PIGU: variants seen among roughly 807,000 people sequenced by gnomAD.
PIGU encodes GPI-anchor transamidase component PIGU.
In PIGU, 24 loss-of-function variants were observed where a neutral mutation model predicts 49.9. That is an observed-to-expected ratio of 0.48 (90% confidence interval 0.35 to 0.68). The LOEUF (loss-of-function observed/expected upper bound fraction) is 0.68, where lower values mean the gene tolerates loss of function less well. Ranked by LOEUF, PIGU falls within the 30% of genes least tolerant of loss-of-function variation. The pLI, the probability that PIGU is intolerant of heterozygous loss-of-function variation, is 0.01. For synonymous variants in PIGU, 220 were observed against 205.7 expected (o/e 1.07, Z -0.59); for missense variants, 490 against 532.6 (o/e 0.92, Z 0.79).
At chr20:34,625,212 A>C (rs1050532611) in intron 6 of PIGU, among the ~76,000 whole-genome samples, 1 of 152,052 alleles carries the variant, frequency 6.6e-6, no homozygotes, top group African/African-American at 2.4e-5. Context: ...TCTCTACTAA[A>C]AATGCAAAAT....
intron 7 of PIGU, among the ~76,000 whole-genome samples, chr20:34,599,814 A>G (rs1029497639): frequency 1.3e-5 from 2 of 152,280 alleles, no homozygotes; most frequent in African/African-American, 4.8e-5. Flanking sequence ...GAATCTGACC[A>G]ACGTTATGGC....
chr20:34,645,576 G>T (rs375947326), intron 2 of PIGU, among the ~76,000 whole-genome samples: 3 of 152,246 alleles, frequency 2.0e-5, no homozygotes, highest in South Asian at 4.1e-4. Flanking sequence ...AATAAAATCT[G>T]ATGTGTTAAA....
chr20:34,628,025 G>T (rs1414123910), intron 6 of PIGU, among the ~76,000 whole-genome samples: 2 of 152,092 alleles, frequency 1.3e-5, no homozygotes, highest in Non-Finnish European at 1.5e-5. Flanking sequence ...AAGACCTAAG[G>T]CATCCTCGGG....
chr20:34,578,519 C>A (rs1983328891), intron 10 of PIGU, among the ~76,000 whole-genome samples: 1 of 152,212 alleles, frequency 6.6e-6, no homozygotes, highest in Non-Finnish European at 1.5e-5. Flanking sequence ...GGTTCTTGTT[C>A]TGTGCCTCCA....
chr20:34,660,033 C>A (rs1392445497), intron 1 of PIGU, among the ~76,000 whole-genome samples: 4 of 139,636 alleles, frequency 2.9e-5, no homozygotes, highest in African/African-American at 1.1e-4. Context: ...GCGAGAAACA[C>A]CCAAGAATGA....
chr20:34,659,860 T>G (rs552038735), intron 1 of PIGU, among the ~76,000 whole-genome samples: 2 of 151,656 alleles, frequency 1.3e-5, no homozygotes, highest in Non-Finnish European at 2.9e-5. Flanking sequence ...GCAGCATGCT[T>G]GTTAAGAGTC....
At chr20:34,650,548 C>T (rs1291202286) in intron 2 of PIGU, among the ~76,000 whole-genome samples, 1 of 151,614 alleles carries the variant, frequency 6.6e-6, no homozygotes, top group Admixed American at 6.6e-5. Flanking sequence ...GGATTACAAG[C>T]GTGAGCCACT....
intron 6 of PIGU, among the ~76,000 whole-genome samples, chr20:34,629,839 A>G (rs77838410): frequency 0.016 from 2,494 of 152,336 alleles, 84 homozygotes; most frequent in African/African-American, 0.058. Flanking sequence ...TCTCATTAAA[A>G]TGAAAACAAG....
chr20:34,671,271 C>CA (rs914803771), intron 1 of PIGU, among the ~76,000 whole-genome samples: 220 of 151,052 alleles, frequency 1.5e-3, no homozygotes, highest in Non-Finnish European at 2.7e-3. Flanking sequence ...TTTCTTCTTC[C>CA]TTTTTTTTTG....
At chr20:34,569,646 G>A (rs1982923247) in intron 11 of PIGU, among the ~76,000 whole-genome samples, 1 of 152,306 alleles carries the variant, frequency 6.6e-6, no homozygotes, top group South Asian at 2.1e-4. Context: ...GGGTAAGGGG[G>A]CTCTGGCTCT....
intron 2 of PIGU, among the ~76,000 whole-genome samples, chr20:34,651,142 G>C (rs905045224): frequency 7.9e-5 from 12 of 152,162 alleles, no homozygotes; most frequent in African/African-American, 2.9e-4. Flanking sequence ...TTTCACTTTA[G>C]GGATTGAGCT....
intron 7 of PIGU, among the ~76,000 whole-genome samples, chr20:34,614,457 A>G (rs1436977950): frequency 6.6e-6 from 1 of 150,864 alleles, no homozygotes. Flanking sequence ...ACATGGCGAA[A>G]CCCCATCTCT....
intron 8 of PIGU, among the ~76,000 whole-genome samples, chr20:34,585,864 T>C (rs1227292955): frequency 1.3e-5 from 2 of 152,230 alleles, no homozygotes; most frequent in Non-Finnish European, 2.9e-5. Flanking sequence ...CACCCCTGTT[T>C]TACTGCGCAA....
intron 6 of PIGU, among the ~76,000 whole-genome samples, chr20:34,617,642 C>T (rs765212111): frequency 6.6e-6 from 1 of 152,160 alleles, no homozygotes; most frequent in Non-Finnish European, 1.5e-5. Flanking sequence ...TCAGATGAGA[C>T]TTTGGGCTGT....
chr20:34,627,664 A>G (rs927859777), intron 6 of PIGU, among the ~76,000 whole-genome samples: 1 of 152,138 alleles, frequency 6.6e-6, no homozygotes, highest in African/African-American at 2.4e-5. Flanking sequence ...CAGTTTCTCT[A>G]TCTTTGCACT....
chr20:34,645,205 A>G, intron 3 of PIGU, 70 bp downstream of exon 3: 3 of 1,282,220 alleles, frequency 2.3e-6, no homozygotes, highest in South Asian at 3.1e-5. Context: ...AAAAAAAAAG[A>G]GAGAGAGAGA....
chr20:34,611,437 G>C (rs1339477593), intron 7 of PIGU, among the ~76,000 whole-genome samples: 1 of 151,992 alleles, frequency 6.6e-6, no homozygotes, highest in Non-Finnish European at 1.5e-5. Context: ...ATGAGGTCAG[G>C]AGATTGAGAC....
At chr20:34,610,356 G>A (rs1205367883) in intron 7 of PIGU, among the ~76,000 whole-genome samples, 6 of 152,120 alleles carry the variant, frequency 3.9e-5, no homozygotes, top group Non-Finnish European at 8.8e-5. Flanking sequence ...CTTCAACAAA[G>A]TCTCAGGATA....
chr20:34,600,275 T>C (rs906843478), intron 7 of PIGU, among the ~76,000 whole-genome samples: 5 of 151,800 alleles, frequency 3.3e-5, no homozygotes, highest in Non-Finnish European at 7.4e-5. Flanking sequence ...GACTTGGTGG[T>C]GGGCATCTGT....
Sources: gnomAD v4.1 joint callset for allele counts (sites outside exome capture counted in the v4.1 genomes callset) on GRCh38, gnomAD v4.1.1 for gene constraint, MANE v1.5 for transcripts, NCBI Gene and HGNC (gene_info 2026-07-23, HGNC 2026-07-21) for gene names.